Variants in ODAD2 observed in about 807,000 individuals in gnomAD.
The protein encoded by ODAD2 is outer dynein arm docking complex subunit 2.
ODAD2 carries 89 observed loss-of-function variants against 106.8 expected under a neutral mutation model. The observed-to-expected ratio is 0.83, with a 90% CI of 0.70 to 0.99. The LOEUF (loss-of-function observed/expected upper bound fraction) is 0.99, where lower values mean the gene tolerates loss of function less well. Among genes scored for constraint, ODAD2 ranks in the 50% least tolerant of loss-of-function variants. The probability of loss-of-function intolerance (pLI) is 0.00; values close to 1 mark genes in which losing one functional copy is unlikely to be tolerated. For missense variants in ODAD2, 1,168 were observed against 1,238.5 expected, an observed-to-expected ratio of 0.94 and a Z score of 0.85; for synonymous variants, 404 against 436.2, an observed-to-expected ratio of 0.93 and a Z score of 0.92.
In ODAD2 at chr10:27,984,256, C is replaced by T. The variant is rs1277766885; in HGVS notation, c.610G>A (p.Asp204Asn). 4 of 1,613,428 alleles carry T rather than the reference C, an allele frequency of 2.5e-6. No individual in the cohort carries two copies. The South Asian group carries it at 3.3e-5, about 13-fold the overall frequency. Residue 204 changes from aspartate (D) to asparagine (N), a missense_variant, in exon 5 of 20, where the codon GAT (aspartate) becomes AAT (asparagine). Asp to Asn is a conservative substitution (Grantham distance 23). Transcript: ENST00000305242. ...ISLSPMTVKKDIELLKRFSGK... is the reference protein window; with the variant it reads ...ISLSPMTVKKNIELLKRFSGK... ...GAGAAACGTTTGAGCAGTTCTATAT[C>T]CTTCTTCACCGTCATGGGACTTAAA...
chr10:27,984,433 A>C lies in ODAD2; in HGVS notation c.576-143T>G, dbSNP rs55716902. On this transcript the variant is annotated intron_variant, in intron 4 of 19. Coordinates refer to ENST00000305242, the MANE Select transcript of ODAD2 (RefSeq NM_018076.5). ...TTTAGCCGTGCTATAATTTTATAAC[A>C]GCACTGTCAACACATCAAGTAATTA... The C allele has an allele frequency of 0.032, 19,350 of 610,402 alleles. 431 individuals are homozygous for C. The highest frequency in any genetic ancestry group is 0.044 in the Non-Finnish European group (15,214 of 347,522). 37.8% of individuals were successfully genotyped at this position (610,402 alleles called of 1,614,324 possible).
chr10:27,931,437 G>A (rs1358741265), intron 16 of ODAD2, among the ~76,000 whole-genome samples: 3 of 151,838 alleles, frequency 2.0e-5, no homozygotes, highest in Non-Finnish European at 4.4e-5. Context: ...AATGTTTACT[G>A]CCTTCTCATC....
At position 27,983,938 on chromosome 10, in the gene ODAD2, G is replaced by A. The variant is rs369669370; in HGVS notation, c.724C>T (p.Gln242Ter). ...ACATAACAAATTTCCCCACGAATTT[G>A]TCTCCACGGTGGGGCTCGACATCCA... ...SNGCRAPPWRQIRGEICYVLV... is the reference protein window; with the variant it reads ...SNGCRAPPWR Residue 242 changes from glutamine to a stop codon, truncating the protein, a stop_gained, in exon 6 of 20, where the codon CAA becomes TAA. Coordinates refer to ENST00000305242, the MANE Select transcript of ODAD2 (RefSeq NM_018076.5). LOFTEE classifies it high-confidence loss of function. 20 of 1,607,856 alleles carry A rather than the reference G, an allele frequency of 1.2e-5. No homozygotes were observed. Among genetic ancestry groups the A allele is most frequent in the African/African-American group, 1.2e-4 (9 of 74,544 alleles).
At chr10:27,976,871 T>C (rs1055900831) in intron 7 of ODAD2, among the ~76,000 whole-genome samples, 1 of 152,178 alleles carries the variant, frequency 6.6e-6, no homozygotes, top group Non-Finnish European at 1.5e-5. Context: ...TAATCAAGAC[T>C]GTGGTATTGG....
intron 1 of ODAD2, among the ~76,000 whole-genome samples, chr10:27,996,185 T>A (rs1047327115): frequency 6.6e-6 from 1 of 152,216 alleles, no homozygotes; most frequent in African/African-American, 2.4e-5. Context: ...TGTATAGCAC[T>A]TATTGATAAA....
chr10:27,827,379 C>CACTATATATATA (rs1239159370), intron 19 of ODAD2, among the ~76,000 whole-genome samples: 30 of 132,458 alleles, frequency 2.3e-4, no homozygotes, highest in African/African-American at 8.1e-4. Flanking sequence ...CACACACACA[C>CACTATATATATA]TATATATATA....
intron 2 of ODAD2, among the ~76,000 whole-genome samples, chr10:27,987,758 T>G (rs1281037632): frequency 6.6e-6 from 1 of 151,986 alleles, no homozygotes; most frequent in East Asian, 1.9e-4. Context: ...ACCAATAGGA[T>G]ATAACCAAGG....
intron 10 of ODAD2, chr10:27,957,684 T>G (rs1847832698): frequency 6.6e-6 from 1 of 152,176 alleles, no homozygotes; most frequent in Admixed American, 6.5e-5. Context: ...TGAAAAGAAT[T>G]TATACATATA....
At chr10:27,979,038 C>T (rs1849369456) in intron 7 of ODAD2, among the ~76,000 whole-genome samples, 1 of 151,872 alleles carries the variant, frequency 6.6e-6, no homozygotes, top group African/African-American at 2.4e-5. Flanking sequence ...GGTGAAACCC[C>T]ATCTCTACTA....
chr10:27,918,917 A>C (rs1844582672), intron 16 of ODAD2, among the ~76,000 whole-genome samples: 1 of 151,754 alleles, frequency 6.6e-6, no homozygotes, highest in Non-Finnish European at 1.5e-5. Flanking sequence ...GTAAAAAAAA[A>C]AACTGGAAAA....
chr10:27,994,601 T>C (rs1257322148), intron 2 of ODAD2, among the ~76,000 whole-genome samples: 3 of 152,078 alleles, frequency 2.0e-5, no homozygotes, highest in Non-Finnish European at 2.9e-5. Context: ...TCTCCACATA[T>C]GGGTGGAAAG....
intron 16 of ODAD2, among the ~76,000 whole-genome samples, chr10:27,926,435 G>A (rs1445883488): frequency 1.3e-5 from 2 of 151,340 alleles, no homozygotes; most frequent in African/African-American, 2.4e-5. Flanking sequence ...TCCACAAAGA[G>A]GACAAAATAC....
chr10:27,843,061 A>G (rs1469850014), intron 19 of ODAD2, among the ~76,000 whole-genome samples: 1 of 152,246 alleles, frequency 6.6e-6, no homozygotes, highest in Non-Finnish European at 1.5e-5. Flanking sequence ...ATTTGTAAAG[A>G]ATGTCTGTGA....
chr10:27,865,415 C>A (rs1335276770), intron 17 of ODAD2, among the ~76,000 whole-genome samples: 1 of 152,204 alleles, frequency 6.6e-6, no homozygotes, highest in African/African-American at 2.4e-5. Context: ...CCTTTTCTGT[C>A]TGTCTTCCTG....
intron 10 of ODAD2, among the ~76,000 whole-genome samples, chr10:27,952,969 GT>G (rs1847466253): frequency 6.6e-6 from 1 of 151,832 alleles, no homozygotes; most frequent in Admixed American, 6.6e-5. Context: ...TGCATATATT[GT>G]TTTTCTCTTT....
intron 16 of ODAD2, among the ~76,000 whole-genome samples, chr10:27,925,748 G>A (rs538862819): frequency 6.6e-6 from 1 of 152,240 alleles, no homozygotes; most frequent in Non-Finnish European, 1.5e-5. Flanking sequence ...ACTTCATAGA[G>A]AGACACTAGA....
chr10:27,860,858 A>T lies in ODAD2; in HGVS notation c.2800-12T>A. Reference sequence around the variant, plus strand: ...AATTTATTGTTATTCTGTGCAAGGGAAAATGAAATGGGATCTGTGCATTGT... The same window carrying T: ...AATTTATTGTTATTCTGTGCAAGGGTAAATGAAATGGGATCTGTGCATTGT... On this transcript the variant is annotated splice_polypyrimidine_tract_variant and intron_variant, in intron 18 of 19. Coordinates refer to ENST00000305242, the MANE Select transcript of ODAD2 (RefSeq NM_018076.5). 1 of 1,607,622 alleles carries T rather than the reference A, an allele frequency of 6.2e-7. No homozygotes were observed. Among genetic ancestry groups the T allele is most frequent in the African/African-American group, 1.3e-5 (1 of 74,884 alleles).
intron 17 of ODAD2, among the ~76,000 whole-genome samples, chr10:27,898,286 C>G (rs7094167): frequency 6.6e-6 from 1 of 151,900 alleles, no homozygotes; most frequent in African/African-American, 2.4e-5. Context: ...TATTCATCCT[C>G]TCTACTAAAT....
At chr10:27,853,798 A>T (rs1274743838) in intron 19 of ODAD2, among the ~76,000 whole-genome samples, 1 of 152,224 alleles carries the variant, frequency 6.6e-6, no homozygotes, top group Non-Finnish European at 1.5e-5. Context: ...CAAAAATTAT[A>T]AAACTTCAGA....
Sources: allele counts gnomAD v4.1 joint callset (sites outside exome capture counted in the v4.1 genomes callset), GRCh38; gene constraint gnomAD v4.1.1; transcripts MANE v1.5; gene names NCBI Gene and HGNC (gene_info 2026-07-23, HGNC 2026-07-21).